Variants in SLC3A1 observed in about 807,000 individuals in gnomAD.
The protein encoded by SLC3A1 is amino acid transporter heavy chain SLC3A1.
In SLC3A1, 78 loss-of-function variants were observed where a neutral mutation model predicts 60.3. That is an observed-to-expected ratio of 1.29 (90% CI 1.08 to 1.56). The LOEUF is 1.56. Among genes scored for constraint, SLC3A1 ranks in the 40% most tolerant of loss-of-function variants. The pLI is 0.00. For missense variants in SLC3A1, 1,172 were observed against 858.9 expected, an observed-to-expected ratio of 1.36 and a Z score of -4.56; for synonymous variants, 392 against 307.9, an observed-to-expected ratio of 1.27 and a Z score of -2.86.
Position 44,280,724 on chromosome 2 carries a change from G to C in SLC3A1, c.439G>C (p.Asp147His), listed in dbSNP as rs747368911. The C allele has an allele frequency of 1.2e-6, 2 of 1,608,424 alleles. No homozygotes were observed. Among genetic ancestry groups the C allele is most frequent in the Non-Finnish European group, 1.7e-6 (2 of 1,175,074 alleles). ...DGNGDLKGIQDKLDYITALNI... is the reference protein window; with the variant it reads ...DGNGDLKGIQHKLDYITALNI... ...TTGACTTTTTTCTTCAGGTATTCAA[G>C]ATAAACTGGACTACATCACAGCTTT... The change falls in exon 2 of 10, where the codon GAT becomes CAT. Residue 147 changes from aspartate to histidine, a missense_variant. By Grantham distance (81) the Asp-to-His change is moderately conservative. Coordinates refer to ENST00000260649, the MANE Select transcript of SLC3A1 (RefSeq NM_000341.4).
At chr2:44,319,535 T>C (rs906363867) in intron 9 of SLC3A1, 28 of 152,356 alleles carry the variant, frequency 1.8e-4, no homozygotes, top group African/African-American at 6.3e-4. Flanking sequence ...CAGAAAATGC[T>C]TGAAAGGTTA....
intron 4 of SLC3A1, among the ~76,000 whole-genome samples, chr2:44,288,273 G>A (rs892054115): frequency 2.0e-5 from 3 of 152,038 alleles, no homozygotes; most frequent in African/African-American, 4.8e-5. Flanking sequence ...TGATCCACCC[G>A]TCTCAGCTTC....
rs1346011674 is a variant in SLC3A1 at position 44,320,859 on chromosome 2, T to C, written c.*220T>C. The C allele has an allele frequency of 3.6e-6, 2 of 562,660 alleles. No individual in the cohort carries two copies. Among genetic ancestry groups the C allele is most frequent in the South Asian group, 2.0e-5 (1 of 49,086 alleles). The allele number at this position is 562,660 out of a possible 1,614,324, so 34.9% of individuals were successfully genotyped here. A position where few individuals can be genotyped will look rare whatever the true frequency, so the allele number is the denominator to read the frequency against. ...ATAGGAGCTTATAACTTTATTCAGA[T>C]AGCATCAATCAGGGATGACCAGAAC... On this transcript the variant is annotated 3_prime_UTR_variant, in exon 10 of 10. Coordinates refer to ENST00000260649, the MANE Select transcript of SLC3A1 (RefSeq NM_000341.4).
downstream of SLC3A1, chr2:44,321,797 C>G: frequency 6.2e-7 from 1 of 1,613,808 alleles, no homozygotes; most frequent in Non-Finnish European, 8.5e-7. Flanking sequence ...GTTCGGGAAT[C>G]TGTCCACTGA....
rs185614090 is a variant in SLC3A1, at chr2:44,319,956, A to G, written c.1618-243A>G. On this transcript the variant is annotated intron_variant, in intron 9 of 9. Coordinates refer to ENST00000260649, the MANE Select transcript of SLC3A1 (RefSeq NM_000341.4). The stretch of plus-strand genomic sequence containing the variant: ...AATTTGATCTCTACAGAAACTCTAC[A>G]ATGTAGCAGAGCACTGTGCGTACTT... 31 of 489,042 alleles carry G rather than the reference A, an allele frequency of 6.3e-5. 1 individual carries two copies. Among genetic ancestry groups the G allele is most frequent in the African/African-American group, 5.6e-4 (29 of 51,660 alleles). 30.3% of individuals were successfully genotyped at this position (489,042 alleles called of 1,614,324 possible).
chr2:44,314,394 C>T (rs919884274), intron 9 of SLC3A1: 10 of 274,562 alleles, frequency 3.6e-5, no homozygotes, highest in African/African-American at 1.1e-4. Flanking sequence ...AAACAGAAGC[C>T]ATACATGATC....
intron 4 of SLC3A1, among the ~76,000 whole-genome samples, chr2:44,286,613 C>G (rs1671619857): frequency 7.2e-6 from 1 of 139,528 alleles, no homozygotes; most frequent in Non-Finnish European, 1.5e-5. Flanking sequence ...TGACGGTGAG[C>G]TGTGCGGTGT....
At chr2:44,315,011 AACCT>A in intron 9 of SLC3A1, 1 of 132,600 alleles carries the variant, frequency 7.5e-6, no homozygotes, top group East Asian at 2.4e-4. Context: ...GGCTCACCGC[AACCT>A]CCATCTCCTG....
rs1167382412 is a variant in SLC3A1, at chr2:44,275,740, C to G, written c.205C>G (p.Pro69Ala). The stretch of plus-strand genomic sequence containing the variant: ...GGGCGTCCAGCCCTATGCGGGGATG[C>G]CCAAGGAGGTGCTGTTCCAGTTCTC... ...FKGVQPYAGM[P>A]KEVLFQFSGQ... The change falls in exon 1 of 10, where the codon CCC becomes GCC. Residue 69 changes from proline (P) to alanine (A), a missense_variant. Physicochemically the swap from Pro to Ala is conservative, Grantham distance 27. Coordinates refer to ENST00000260649, the MANE Select transcript of SLC3A1 (RefSeq NM_000341.4). 3 of 1,614,094 alleles carry G rather than the reference C, an allele frequency of 1.9e-6. No individual in the cohort carries two copies. Among genetic ancestry groups the G allele is most frequent in the South Asian group, 2.2e-5 (2 of 91,092 alleles).
In SLC3A1 at chr2:44,304,356, C is replaced by G; in HGVS notation, c.1332+18C>G. On this transcript the variant is annotated intron_variant, in intron 7 of 9. Transcript: ENST00000260649. The stretch of plus-strand genomic sequence containing the variant: ...ACTGGATGGTAAGTCCTCATGACAG[C>G]AGAGTACATAATGTGCTGCTGTTGC... 1 of 1,586,264 alleles carries G rather than the reference C, an allele frequency of 6.3e-7. No individual in the cohort carries two copies. Among genetic ancestry groups the G allele is most frequent in the Non-Finnish European group, 8.7e-7 (1 of 1,154,398 alleles).
intron 1 of SLC3A1, among the ~76,000 whole-genome samples, chr2:44,277,639 C>T (rs918301639): frequency 6.6e-6 from 1 of 152,164 alleles, no homozygotes; most frequent in Admixed American, 6.5e-5. Context: ...GACCTGCTGC[C>T]TTTTGCACAT....
Position 44,280,913 on chromosome 2 carries a change from T to A in SLC3A1, c.610+18T>A, listed in dbSNP as rs770602055. ...TGATAAAGGTAAGTTGAATGGAAAGTGGGCAAGATGGGGATGAGGTTTGAG... is the reference window on the plus strand; with the variant it reads ...TGATAAAGGTAAGTTGAATGGAAAGAGGGCAAGATGGGGATGAGGTTTGAG... On this transcript the variant is annotated intron_variant, in intron 2 of 9. Transcript: ENST00000260649. The A allele has an allele frequency of 1.2e-6, 2 of 1,607,244 alleles. No homozygotes were observed. The highest frequency in any genetic ancestry group is 1.7e-6 in the Non-Finnish European group (2 of 1,173,718).
At chr2:44,296,935 A>C (rs919086128) in intron 4 of SLC3A1, among the ~76,000 whole-genome samples, 8 of 152,046 alleles carry the variant, frequency 5.3e-5, no homozygotes, top group Admixed American at 2.6e-4. Context: ...GTAAGATGTG[A>C]CTTTGCTCCT....
At chr2:44,317,583 T>G (rs1672529162) in intron 9 of SLC3A1, 1 of 152,370 alleles carries the variant, frequency 6.6e-6, no homozygotes, top group African/African-American at 2.4e-5. Flanking sequence ...TGGCCAGCAT[T>G]GTTCTAGACA....
intron 4 of SLC3A1, among the ~76,000 whole-genome samples, chr2:44,297,333 C>G (rs755341284): frequency 1.3e-5 from 2 of 152,174 alleles, no homozygotes; most frequent in Non-Finnish European, 2.9e-5. Flanking sequence ...AGCTGAGGCT[C>G]AGGACCTCTG....
At chr2:44,301,171 G>A (rs1671997257) in intron 6 of SLC3A1, 44 bp downstream of exon 6, 1 of 1,611,918 alleles carries the variant, frequency 6.2e-7, no homozygotes, top group African/African-American at 1.3e-5. Flanking sequence ...GGCTTAGTGT[G>A]TGATCTGCAG....
rs781335940 is a variant in SLC3A1, at chr2:44,286,073, G to A, written c.807G>A (p.Val269=). 18 of 1,614,072 alleles carry A rather than the reference G, an allele frequency of 1.1e-5. No homozygotes were observed. The highest frequency in any genetic ancestry group is 1.5e-5 in the Non-Finnish European group (18 of 1,179,938). The change falls in exon 4 of 10, where the codon GTG becomes GTA. Residue 269 remains valine (V), a synonymous_variant. Coordinates refer to ENST00000260649, the MANE Select transcript of SLC3A1 (RefSeq NM_000341.4). ...ACTCCAGTTGGCACTTTGACGAAGT[G>A]CGAAACCAATGTTATTTTCATCAGT... ...YGNSSWHFDE[V]RNQCYFHQFM...
At chr2:44,313,768 T>TC (rs1672355433) in intron 8 of SLC3A1, 67 bp from the exon 9 acceptor site, 4 of 1,193,376 alleles carry the variant, frequency 3.4e-6, no homozygotes, top group Non-Finnish European at 5.0e-6. Flanking sequence ...ATGAAGTAAA[T>TC]CAGGACCAAA....
Position 44,321,262 on chromosome 2 carries a change from T to A in SLC3A1, c.*623T>A. The A allele has an allele frequency of 1.8e-6, 2 of 1,085,962 alleles. No homozygotes were observed. Among genetic ancestry groups the A allele is most frequent in the Non-Finnish European group, 2.7e-6 (2 of 749,516 alleles). The allele number at this position is 1,085,962 out of a possible 1,614,324, so 67.3% of individuals were successfully genotyped here. Reference sequence around the variant, plus strand: ...TTTTAAAAAATTAATAACTTAAAAGTCTCAAGTTATTAATTTTTTTTTTGC... The same window carrying A: ...TTTTAAAAAATTAATAACTTAAAAGACTCAAGTTATTAATTTTTTTTTTGC... On this transcript the variant is annotated 3_prime_UTR_variant, in exon 10 of 10. Coordinates refer to ENST00000260649, the MANE Select transcript of SLC3A1 (RefSeq NM_000341.4).
Sources: allele counts gnomAD v4.1 joint callset (sites outside exome capture counted in the v4.1 genomes callset), GRCh38; gene constraint gnomAD v4.1.1; transcripts MANE v1.5; gene names NCBI Gene and HGNC (gene_info 2026-07-23, HGNC 2026-07-21).